CSMD3: variants seen among roughly 807,000 people sequenced by gnomAD.
CSMD3 encodes CUB and sushi domain-containing protein 3.
A neutral mutation model predicts 435.2 loss-of-function variants in CSMD3; 177 were observed. The ratio of observed to expected loss-of-function variants is 0.41; its 90% CI spans 0.36 to 0.46. The LOEUF is 0.46. Ranked by LOEUF, CSMD3 falls within the 20% of genes least tolerant of loss-of-function variation. The probability of loss-of-function intolerance (pLI) is 0.34; values close to 1 mark genes in which losing one functional copy is unlikely to be tolerated. For synonymous variants in CSMD3, 1,656 were observed against 1,520.5 expected (o/e 1.09, Z -2.07); for missense variants, 4,265 against 4,504.6 (o/e 0.95, Z 1.52).
chr8:112,592,951 A>G (rs1295001575), intron 22 of CSMD3, among the ~76,000 whole-genome samples: 1 of 152,166 alleles, frequency 6.6e-6, no homozygotes. Context: ...CAAATGAAGA[A>G]GTAGTATATT....
intron 38 of CSMD3, among the ~76,000 whole-genome samples, chr8:112,373,700 G>T (rs1285274362): frequency 6.6e-6 from 1 of 152,094 alleles, no homozygotes; most frequent in East Asian, 1.9e-4. Flanking sequence ...CACAAAAAGA[G>T]ATGTTTCTCT....
chr8:112,718,320 G>A (rs1563889997), intron 13 of CSMD3, among the ~76,000 whole-genome samples: 1 of 151,744 alleles, frequency 6.6e-6, no homozygotes, highest in African/African-American at 2.4e-5. Context: ...ATTCTTGAGA[G>A]GTTTCATAAT....
chr8:112,992,360 A>C (rs138239208), intron 6 of CSMD3, among the ~76,000 whole-genome samples: 1 of 151,780 alleles, frequency 6.6e-6, no homozygotes, highest in Non-Finnish European at 1.5e-5. Context: ...GGAAAGAAAA[A>C]TGTCAAAACA....
chr8:112,980,445 T>A (rs906580970), intron 6 of CSMD3, among the ~76,000 whole-genome samples: 3 of 151,410 alleles, frequency 2.0e-5, no homozygotes, highest in Admixed American at 6.6e-5. Flanking sequence ...ATAATAATAA[T>A]TTTGTGACAT....
chr8:112,398,050 AATG>A (rs1342967870), intron 35 of CSMD3, among the ~76,000 whole-genome samples: 1 of 152,202 alleles, frequency 6.6e-6, no homozygotes, highest in Non-Finnish European at 1.5e-5. Flanking sequence ...TTCAAAACAC[AATG>A]ATGAGACAGG....
At chr8:112,803,757 T>A (rs1407122466) in intron 12 of CSMD3, among the ~76,000 whole-genome samples, 1 of 152,212 alleles carries the variant, frequency 6.6e-6, no homozygotes, top group Non-Finnish European at 1.5e-5. Context: ...TATACAGACC[T>A]CCTTGCCAGC....
At chr8:112,887,785 A>AC (rs1356771804) in intron 10 of CSMD3, among the ~76,000 whole-genome samples, 1 of 151,608 alleles carries the variant, frequency 6.6e-6, no homozygotes. Context: ...ATTGTCGTAA[A>AC]TTTTTCACAG....
intron 32 of CSMD3, among the ~76,000 whole-genome samples, chr8:112,463,762 G>A (rs1817679429): frequency 6.6e-6 from 1 of 152,076 alleles, no homozygotes; most frequent in Non-Finnish European, 1.5e-5. Flanking sequence ...TTACTGTGTG[G>A]CTATTGGTTG....
Position 112,436,875 on chromosome 8 carries a change from T to A in CSMD3, c.5396-27843A>T, listed in dbSNP as rs144439111. ...TCAATAAAAGGAAATGTGTTACAAA[T>A]GCACACAATGCAGAGACATATGGCA... On this transcript the variant is annotated intron_variant, in intron 32 of 70. Coordinates refer to ENST00000297405, the MANE Select transcript of CSMD3 (RefSeq NM_198123.2). Among the ~76,000 whole-genome samples, 849 of 152,166 alleles carry A rather than the reference T, an allele frequency of 5.6e-3. 13 individuals carry two copies. The highest frequency in any genetic ancestry group is 0.02 in the African/African-American group (811 of 41,564).
chr8:112,308,644 C>A (rs968316286), intron 50 of CSMD3, among the ~76,000 whole-genome samples: 1 of 151,876 alleles, frequency 6.6e-6, no homozygotes, highest in African/African-American at 2.4e-5. Flanking sequence ...TGAGTTTCCA[C>A]GTAACACTAC....
chr8:113,432,005 A>G (rs1412868093), intron 1 of CSMD3, among the ~76,000 whole-genome samples: 1 of 152,112 alleles, frequency 6.6e-6, no homozygotes, highest in African/African-American at 2.4e-5. Context: ...TGGAGTACTT[A>G]ATTTATTGAG....
At chr8:112,869,234 T>C (rs2081065905) in intron 10 of CSMD3, among the ~76,000 whole-genome samples, 1 of 152,142 alleles carries the variant, frequency 6.6e-6, no homozygotes, top group Non-Finnish European at 1.5e-5. Context: ...ATTATCTGTG[T>C]TTATAAGAAA....
intron 28 of CSMD3, among the ~76,000 whole-genome samples, chr8:112,514,589 C>T (rs1042730516): frequency 6.6e-6 from 1 of 152,020 alleles, no homozygotes; most frequent in Admixed American, 6.6e-5. Flanking sequence ...TTCCTATTTA[C>T]CTTCATATTG....
At chr8:112,770,326 C>G (rs530117796) in intron 13 of CSMD3, among the ~76,000 whole-genome samples, 5 of 151,992 alleles carry the variant, frequency 3.3e-5, no homozygotes, top group Non-Finnish European at 5.9e-5. Context: ...TTTTCTTGAC[C>G]CTTCCACCTT....
intron 1 of CSMD3, among the ~76,000 whole-genome samples, chr8:113,316,896 G>A (rs1173053302): frequency 1.3e-5 from 2 of 152,168 alleles, no homozygotes; most frequent in African/African-American, 4.8e-5. Flanking sequence ...CTCCAGTGAT[G>A]AGAAATGTGG....
At chr8:112,815,403 A>C (rs529196719) in intron 12 of CSMD3, among the ~76,000 whole-genome samples, 1 of 152,272 alleles carries the variant, frequency 6.6e-6, no homozygotes, top group African/African-American at 2.4e-5. Context: ...TTTTATTTTT[A>C]GAAAACTGAA....
intron 2 of CSMD3, among the ~76,000 whole-genome samples, chr8:113,287,760 C>A (rs1014228121): frequency 3.3e-5 from 5 of 151,908 alleles, no homozygotes; most frequent in African/African-American, 1.2e-4. Context: ...ATTGACTTAA[C>A]AGAATTCTTA....
At chr8:112,613,369 T>C (rs1833411342) in intron 22 of CSMD3, among the ~76,000 whole-genome samples, 1 of 152,186 alleles carries the variant, frequency 6.6e-6, no homozygotes, top group Non-Finnish European at 1.5e-5. Context: ...AATCCTCTTG[T>C]GGTAGATTAC....
At chr8:112,298,083 A>T (rs553872959) in intron 53 of CSMD3, among the ~76,000 whole-genome samples, 136 of 148,144 alleles carry the variant, frequency 9.2e-4, no homozygotes, top group South Asian at 4.0e-3. Context: ...AAAAAAAAAA[A>T]AAAAAAATAA....
Sources: allele counts gnomAD v4.1 joint callset (sites outside exome capture counted in the v4.1 genomes callset), GRCh38; gene constraint gnomAD v4.1.1; transcripts MANE v1.5; gene names NCBI Gene and HGNC (gene_info 2026-07-23, HGNC 2026-07-21).